The following RINL variants were observed in gnomAD, a reference collection of about 807,000 sequenced individuals.
The protein encoded by RINL is ras and Rab interactor-like protein.
In RINL, 39 loss-of-function variants were observed where a neutral mutation model predicts 58.1. The ratio of observed to expected loss-of-function variants is 0.67; its 90% CI spans 0.52 to 0.88. The LOEUF (loss-of-function observed/expected upper bound fraction) is 0.88. Ranked by LOEUF, RINL falls within the 40% of genes least tolerant of loss-of-function variation. The probability of loss-of-function intolerance (pLI) is 0.00; values close to 1 mark genes in which losing one functional copy is unlikely to be tolerated. For synonymous variants in RINL, 286 were observed against 323.1 expected (o/e 0.89, Z 1.23); for missense variants, 711 against 749.2 (o/e 0.95, Z 0.60).
At chr19:38,875,601 T>A (rs1441562924) in intron 3 of RINL, among the ~76,000 whole-genome samples, 1 of 151,570 alleles carries the variant, frequency 6.6e-6, no homozygotes, top group African/African-American at 2.4e-5. Context: ...CGCTTGAACC[T>A]GGGAGGCGGA....
rs1216623235 is a variant in RINL at position 38,870,862 on chromosome 19, T to G, written c.732A>C (p.Glu244Asp). 6.2e-7 allele frequency: 1 copy of G among 1,605,680 alleles called. No individual in the cohort carries two copies. Among genetic ancestry groups the G allele is most frequent in the Admixed American group, 1.7e-5 (1 of 60,032 alleles). Residue 244 changes from glutamate to aspartate, a missense_variant, in exon 8 of 12, where the codon GAA becomes GAC. Coordinates refer to ENST00000591812, the MANE Select transcript of RINL (RefSeq NM_001195833.2). This position sits in a 1 kb window ranked among gnomAD's most constrained non-coding sequence, Gnocchi z 5.8. ...CCTCTTCAGGGTCGTCCTCCCTTCC[T>G]TCCTCCTTTCCTTCAAGGTCTTCCT... ...EEEEDLEGKE[E>D]GREDDPEEEG... is the part of the protein sequence containing the mutation.
intron 6 of RINL, 79 bp downstream of exon 6, chr19:38,871,568 G>T: frequency 7.5e-7 from 1 of 1,326,350 alleles, no homozygotes; most frequent in Non-Finnish European, 1.1e-6. Flanking sequence ...AGTAGTCTGG[G>T]CCCCAAAGCC....
At position 38,870,701 on chromosome 19, in the gene RINL, G is replaced by A; in HGVS notation, c.893C>T (p.Pro298Leu). ...DSGGPHGSGD[P>L]ATELLQDVRH... The stretch of plus-strand genomic sequence containing the variant: ...CACATCCTGAAGCAGCTCCGTGGCC[G>A]GGTCCCCAGACCCGTGGGGACCCCC... The change falls in exon 8 of 12, where the codon CCG becomes CTG. Residue 298 changes from proline (P) to leucine (L), a missense_variant. Pro to Leu is a moderately conservative substitution (Grantham distance 98). Transcript: ENST00000591812. This position sits in a 1 kb window ranked among gnomAD's most constrained non-coding sequence, Gnocchi z 5.8. 1 of 1,613,614 alleles carries A rather than the reference G, an allele frequency of 6.2e-7. No homozygotes were observed. Among genetic ancestry groups the A allele is most frequent in the Non-Finnish European group, 8.5e-7 (1 of 1,179,946 alleles).
chr19:38,877,398 AC>A (rs1972958195), intron 1 of RINL, among the ~76,000 whole-genome samples: 1 of 152,138 alleles, frequency 6.6e-6, no homozygotes, highest in African/African-American at 2.4e-5. Context: ...CCTTGGCAAA[AC>A]CCAGTCAGCG....
Position 38,871,661 on chromosome 19 carries a change from C to T in RINL, c.437G>A (p.Arg146Lys), listed in dbSNP as rs369340366. The T allele has an allele frequency of 3.4e-5, 55 of 1,613,936 alleles. No homozygotes were observed. The highest frequency in any genetic ancestry group is 4.4e-5 in the Non-Finnish European group (52 of 1,179,982). ...LLLPPPTLGP[R>K]DEHTDPVQIG... is the part of the protein sequence containing the mutation. ...CCGTGCCTCACCTGTGTGTTCATCTCTGGGCCCTAGAGTGGGAGGGGGCAA... is the reference window on the plus strand; with the variant it reads ...CCGTGCCTCACCTGTGTGTTCATCTTTGGGCCCTAGAGTGGGAGGGGGCAA... Residue 146 changes from arginine (R) to lysine (K), a missense_variant, in exon 6 of 12, where the codon AGA becomes AAA. Coordinates refer to ENST00000591812, the MANE Select transcript of RINL (RefSeq NM_001195833.2).
chr19:38,869,501 C>A lies in RINL; in HGVS notation c.1474+72G>T. On this transcript the variant is annotated intron_variant, in intron 10 of 11. Coordinates refer to ENST00000591812, the MANE Select transcript of RINL (RefSeq NM_001195833.2). The surrounding 1 kb of genome is among the most constrained non-coding windows in gnomAD (Gnocchi z 5.7). ...AGTTTGCCTGCCGTCCCTCCTGCTG[C>A]GGGGGGAGGCTGTTTGGGATCCCGG... 1.3e-6 allele frequency: 2 copies of A among 1,593,314 alleles called. No individual in the cohort carries two copies. The highest frequency in any genetic ancestry group is 1.7e-6 in the Non-Finnish European group (2 of 1,167,316).
At chr19:38,877,241 A>T (rs1972953179) in intron 1 of RINL, among the ~76,000 whole-genome samples, 1 of 152,134 alleles carries the variant, frequency 6.6e-6, no homozygotes, top group African/African-American at 2.4e-5. Flanking sequence ...TTAGTACCGG[A>T]TGGTGGGGAA....
At position 38,870,914 on chromosome 19, in the gene RINL, G is replaced by GC. The variant is rs1568386421; in HGVS notation, c.679dup (p.Ala227GlyfsTer14). ...CTCCTCTTCCAGTAGGCTGGCGAGAGCCGGCCCAGGATGGTCCACTTCCGG... is the reference window on the plus strand; with the variant it reads ...CTCCTCTTCCAGTAGGCTGGCGAGAGCCCGGCCCAGGATGGTCCACTTCCGG... On this transcript the variant is annotated frameshift_variant, in exon 8 of 12. Coordinates refer to ENST00000591812, the MANE Select transcript of RINL (RefSeq NM_001195833.2). LOFTEE classifies it high-confidence loss of function. The surrounding 1 kb of genome is among the most constrained non-coding windows in gnomAD (Gnocchi z 5.8). 6.2e-7 allele frequency: 1 copy of GC among 1,604,910 alleles called. No homozygotes were observed. The highest frequency in any genetic ancestry group is 1.7e-5 in the Admixed American group (1 of 59,996).
chr19:38,872,349 G>A (rs772171821), intron 4 of RINL, among the ~76,000 whole-genome samples: 2 of 151,956 alleles, frequency 1.3e-5, no homozygotes, highest in Non-Finnish European at 2.9e-5. Context: ...AGCTGGGCAT[G>A]GTGGTGGGCG....
In RINL at chr19:38,870,264, C is replaced by T. The variant is rs1478330685; in HGVS notation, c.1025-4G>A. ...ACCGCCGTCTCCAGCGCGGGGCCTGCGGGGTGTGGGGGACGGGTGAGCACA... is the reference window on the plus strand; with the variant it reads ...ACCGCCGTCTCCAGCGCGGGGCCTGTGGGGTGTGGGGGACGGGTGAGCACA... On this transcript the variant is annotated splice_region_variant and splice_polypyrimidine_tract_variant and intron_variant, in intron 8 of 11. Coordinates refer to ENST00000591812, the MANE Select transcript of RINL (RefSeq NM_001195833.2). This position sits in a 1 kb window ranked among gnomAD's most constrained non-coding sequence, Gnocchi z 5.8. The T allele has an allele frequency of 1.4e-6, 2 of 1,381,898 alleles. No homozygotes were observed. Among genetic ancestry groups the T allele is most frequent in the South Asian group, 1.6e-5 (1 of 61,156 alleles). 85.6% of individuals were successfully genotyped at this position (1,381,898 alleles called of 1,614,324 possible).
In RINL at chr19:38,873,922, C is replaced by T. The variant is rs61740709; in HGVS notation, c.277G>A (p.Glu93Lys). 7.8e-5 allele frequency: 120 copies of T among 1,535,922 alleles called. No homozygotes were observed. The Middle Eastern group carries it at 8.3e-4, about 11-fold the overall frequency. ...TTCTGGATCTGGTAGGTATTGACTTCTCCTGGTAAAGGTCCTGACCTCAAC... is the reference window on the plus strand; with the variant it reads ...TTCTGGATCTGGTAGGTATTGACTTTTCCTGGTAAAGGTCCTGACCTCAAC... Reference protein sequence around the residue: ...LVLRSGPLPGEVNTYQIQKIP... With the variant: ...LVLRSGPLPGKVNTYQIQKIP... Residue 93 changes from glutamate to lysine, a missense_variant, in exon 4 of 12, where the codon GAA becomes AAA. By Grantham distance (56) the Glu-to-Lys change is moderately conservative. Transcript: ENST00000591812.
intron 7 of RINL, 22 bp from the exon 8 acceptor site, chr19:38,871,014 G>T (rs774361612): frequency 6.3e-7 from 1 of 1,584,892 alleles, no homozygotes; most frequent in Non-Finnish European, 8.6e-7. Context: ...GAGGGCATTC[G>T]GTCGCCTAGA....
rs1972734880 is a variant in RINL at position 38,869,066 on chromosome 19, G to A, written c.*38C>T. 6.5e-7 allele frequency: 1 copy of A among 1,526,978 alleles called. No individual in the cohort carries two copies. The highest frequency in any genetic ancestry group is 8.9e-7 in the Non-Finnish European group (1 of 1,129,870). The allele number at this position is 1,526,978 out of a possible 1,614,324, so 94.6% of individuals were successfully genotyped here. ...TCCTCCCACCTTGGCCTCCCAAAATGTTGGGATTACAGGCATGAACGGAGG... is the reference window on the plus strand; with the variant it reads ...TCCTCCCACCTTGGCCTCCCAAAATATTGGGATTACAGGCATGAACGGAGG... On this transcript the variant is annotated 3_prime_UTR_variant, in exon 12 of 12. Transcript: ENST00000591812. This position sits in a 1 kb window ranked among gnomAD's most constrained non-coding sequence, Gnocchi z 5.7.
At position 38,876,519 on chromosome 19, in the gene RINL, G is replaced by A. The variant is rs1490484633; in HGVS notation, c.51-29C>T. Reference sequence around the variant, plus strand: ...GGATGGACAGTGTCCAGGGAGTCAGGGGTCAGAGGTGGGCAGTGGGACAAT... The same window carrying A: ...GGATGGACAGTGTCCAGGGAGTCAGAGGTCAGAGGTGGGCAGTGGGACAAT... On this transcript the variant is annotated intron_variant, in intron 2 of 11. Transcript: ENST00000591812. The A allele has an allele frequency of 4.6e-6, 7 of 1,534,028 alleles. No homozygotes were observed. The Admixed American group carries it at 1.2e-4, about 26-fold the overall frequency.
At position 38,870,036 on chromosome 19, in the gene RINL, G is replaced by A; in HGVS notation, c.1249C>T (p.Leu417Phe). 6.4e-7 allele frequency: 1 copy of A among 1,558,868 alleles called. No homozygotes were observed. Among genetic ancestry groups the A allele is most frequent in the South Asian group, 1.2e-5 (1 of 85,388 alleles). The change falls in exon 9 of 12, where the codon CTC (leucine) becomes TTC (phenylalanine). Residue 417 changes from leucine to phenylalanine, a missense_variant. Transcript: ENST00000591812. This position sits in a 1 kb window ranked among gnomAD's most constrained non-coding sequence, Gnocchi z 5.8. Reference sequence around the variant, plus strand: ...CGGCGCGGGGCGCAGGCAGCGTGGAGGTGCGCAAGGCGCTCGTGGATGCGG... The same window carrying A: ...CGGCGCGGGGCGCAGGCAGCGTGGAAGTGCGCAAGGCGCTCGTGGATGCGG... ...RSRIHERLAH[L>F]HAACAPRRKV...
At chr19:38,875,939 T>C (rs1972914451) in intron 3 of RINL, among the ~76,000 whole-genome samples, 1 of 152,218 alleles carries the variant, frequency 6.6e-6, no homozygotes, top group African/African-American at 2.4e-5. Flanking sequence ...GGACAGGTGT[T>C]TGTTATATTC....
chr19:38,869,189 G>A lies in RINL; in HGVS notation c.1639-23C>T. ...GGCCTGTGGGGAGAGGTGGGAGCTG[G>A]GTCAGAAGGGCACCAGGTCTCACCC... On this transcript the variant is annotated intron_variant, in intron 11 of 11. Coordinates refer to ENST00000591812, the MANE Select transcript of RINL (RefSeq NM_001195833.2). The surrounding 1 kb of genome is among the most constrained non-coding windows in gnomAD (Gnocchi z 5.7). 1 of 1,614,082 alleles carries A rather than the reference G, an allele frequency of 6.2e-7. No homozygotes were observed. Among genetic ancestry groups the A allele is most frequent in the Non-Finnish European group, 8.5e-7 (1 of 1,179,984 alleles).
At position 38,867,988 on chromosome 19, in the gene RINL, C is replaced by A. The variant is rs933015168; in HGVS notation, c.*1116G>T. 2.0e-5 allele frequency: 3 copies of A among 152,056 alleles called. No individual in the cohort carries two copies. Among genetic ancestry groups the A allele is most frequent in the Non-Finnish European group, 4.4e-5 (3 of 68,032 alleles). The allele number at this position is 152,056 out of a possible 1,614,324, so 9.4% of individuals were successfully genotyped here. On this transcript the variant is annotated 3_prime_UTR_variant, in exon 12 of 12. Coordinates refer to ENST00000591812, the MANE Select transcript of RINL (RefSeq NM_001195833.2). ...TGAGATGGTGTTTCACTCTTGTTGC[C>A]CAGGCTGGAGTGCAATGGCGCAATC...
chr19:38,873,835 T>A lies in RINL; in HGVS notation c.313+51A>T, dbSNP rs1358279623. ...GCCACCGCGCCGGTCCAGCTGATAG[T>A]TCTTAGTGATCAATTGACTGTGGGC... On this transcript the variant is annotated intron_variant, in intron 4 of 11. Coordinates refer to ENST00000591812, the MANE Select transcript of RINL (RefSeq NM_001195833.2). 7 of 1,171,074 alleles carry A rather than the reference T, an allele frequency of 6.0e-6. No homozygotes were observed. The African/African-American group carries it at 1.1e-4, about 18-fold the overall frequency. 72.5% of individuals were successfully genotyped at this position (1,171,074 alleles called of 1,614,324 possible).
Sources: allele counts gnomAD v4.1 joint callset (sites outside exome capture counted in the v4.1 genomes callset), GRCh38; gene constraint gnomAD v4.1.1; non-coding constraint Gnocchi (gnomAD v3.1); transcripts MANE v1.5; gene names NCBI Gene and HGNC (gene_info 2026-07-23, HGNC 2026-07-21).